ADARB2: variants seen among roughly 807,000 people sequenced by gnomAD.
The protein encoded by ADARB2 is inactive double-stranded RNA-specific editase B2.
In ADARB2, 25 loss-of-function variants were observed where a neutral mutation model predicts 62.2. The ratio of observed to expected loss-of-function variants is 0.40; its 90% CI spans 0.29 to 0.56. The LOEUF is 0.56. Among genes scored for constraint, ADARB2 ranks in the 20% least tolerant of loss-of-function variants. ADARB2 has a pLI of 0.43. For synonymous variants in ADARB2, 572 were observed against 500.8 expected (o/e 1.14, Z -1.90); for missense variants, 1,071 against 1,077.4 (o/e 0.99, Z 0.08).
chr10:1,388,608 T>C (rs1476805039), intron 1 of ADARB2, among the ~76,000 whole-genome samples: 1 of 151,948 alleles, frequency 6.6e-6, no homozygotes, highest in Non-Finnish European at 1.5e-5. Flanking sequence ...TAATAAACAA[T>C]ACTGTTTGGA....
At chr10:1,339,633 A>G (rs895033287) in intron 3 of ADARB2, among the ~76,000 whole-genome samples, 3 of 152,206 alleles carry the variant, frequency 2.0e-5, no homozygotes, top group African/African-American at 7.2e-5. Context: ...CTCCAAGTCA[A>G]TACTCCCATT....
chr10:1,733,857 C>T (rs567713015), intron 1 of ADARB2, among the ~76,000 whole-genome samples: 30 of 152,262 alleles, frequency 2.0e-4, no homozygotes, highest in African/African-American at 6.7e-4. Context: ...AGGTAACAGT[C>T]TCCATAACCT....
chr10:1,281,279 T>C (rs1052685440), intron 3 of ADARB2, among the ~76,000 whole-genome samples: 1 of 151,672 alleles, frequency 6.6e-6, no homozygotes, highest in Non-Finnish European at 1.5e-5. Flanking sequence ...TGCTGGGGGG[T>C]CCCCAGGCCT....
intron 1 of ADARB2, among the ~76,000 whole-genome samples, chr10:1,571,723 TGA>T: frequency 7.5e-6 from 1 of 133,234 alleles, no homozygotes; most frequent in South Asian, 2.5e-4. Flanking sequence ...AGTGTGCTGG[TGA>T]GTGTGCAGGT....
At chr10:1,678,861 C>A (rs1316345346) in intron 1 of ADARB2, among the ~76,000 whole-genome samples, 1 of 151,986 alleles carries the variant, frequency 6.6e-6, no homozygotes, top group African/African-American at 2.4e-5. Context: ...GACCCTGCTG[C>A]CTGGGGTTGT....
chr10:1,597,212 G>C (rs1346164390), intron 1 of ADARB2, among the ~76,000 whole-genome samples: 2 of 152,126 alleles, frequency 1.3e-5, no homozygotes, highest in Non-Finnish European at 2.9e-5. Context: ...AGCCCTCTGG[G>C]TGTTTTTCTT....
At chr10:1,397,061 CCGTCT>C in intron 1 of ADARB2, among the ~76,000 whole-genome samples, 1 of 13,298 alleles carries the variant, frequency 7.5e-5, no homozygotes, top group African/African-American at 1.8e-4. Context: ...GGGTCACCGT[CCGTCT>C]CTCCCCTCCC....
Position 1,553,452 on chromosome 10 carries a change from C to G in ADARB2, c.101-174292G>C, listed in dbSNP as rs540228361. 3.3e-5 allele frequency among the ~76,000 whole-genome samples: 5 copies of G among 152,266 alleles called. No homozygotes were observed. In the South Asian group the frequency reaches 8.3e-4, roughly 25 times the overall value. On this transcript the variant is annotated intron_variant, in intron 1 of 9. Coordinates refer to ENST00000381312, the MANE Select transcript of ADARB2 (RefSeq NM_018702.4). ...TCTCACTAAAACGTTTGGCCTGCTC[C>G]CAGGAAGAGGCTTCCATGGAAAGCC... is the stretch of plus-strand genomic sequence containing the variant.
At chr10:1,283,043 C>T (rs945409019) in intron 3 of ADARB2, among the ~76,000 whole-genome samples, 11 of 152,212 alleles carry the variant, frequency 7.2e-5, no homozygotes, top group African/African-American at 2.7e-4. Context: ...CTTGAACTTG[C>T]ATCACAGAAG....
At chr10:1,387,442 A>G (rs1832534666) in intron 1 of ADARB2, among the ~76,000 whole-genome samples, 1 of 151,998 alleles carries the variant, frequency 6.6e-6, no homozygotes, top group Admixed American at 6.6e-5. Context: ...TAGTTCCTGC[A>G]GTCATTAAAT....
At chr10:1,626,612 C>T (rs994521993) in intron 1 of ADARB2, among the ~76,000 whole-genome samples, 2 of 152,132 alleles carry the variant, frequency 1.3e-5, no homozygotes, top group Admixed American at 1.3e-4. Context: ...CTCAAACTCC[C>T]ACGACGGCCT....
chr10:1,245,494 C>G (rs1356541883), intron 4 of ADARB2, among the ~76,000 whole-genome samples: 355 of 139,982 alleles, frequency 2.5e-3, no homozygotes, highest in Admixed American at 4.2e-3. Context: ...CCCCTCCCCC[C>G]ACCCCACAAC....
intron 1 of ADARB2, among the ~76,000 whole-genome samples, chr10:1,463,020 G>A (rs2131910529): frequency 6.6e-6 from 1 of 152,118 alleles, no homozygotes; most frequent in South Asian, 2.1e-4. Context: ...GGTTGGGTGG[G>A]GTGGGACGCA....
chr10:1,432,449 G>A lies in ADARB2; in HGVS notation c.101-53289C>T, dbSNP rs551307062. ...ATTCTCTGAAGTTTTACACAATAGAGTTTGTCTTCCATTTCATGAAGTCTC... is the reference window on the plus strand; with the variant it reads ...ATTCTCTGAAGTTTTACACAATAGAATTTGTCTTCCATTTCATGAAGTCTC... On this transcript the variant is annotated intron_variant, in intron 1 of 9. Transcript: ENST00000381312. Among the ~76,000 whole-genome samples, 11 of 151,704 alleles carry A rather than the reference G, an allele frequency of 7.3e-5. No homozygotes were observed. The East Asian group carries it at 1.4e-3, about 19-fold the overall frequency.
At chr10:1,206,710 G>T (rs1473166816) in intron 7 of ADARB2, among the ~76,000 whole-genome samples, 1 of 152,190 alleles carries the variant, frequency 6.6e-6, no homozygotes, top group African/African-American at 2.4e-5. Context: ...CCGTCTCTGC[G>T]TCTCTGTATT....
chr10:1,363,816 T>C lies in ADARB2; in HGVS notation c.289A>G (p.Lys97Glu). ...DRARGGAPGA[K>E]RKRPLEEGNG... ...CCCTCCTCCAGCGGCCGCTTCCTCTTCGCGCCGGGCGCGCCGCCCCGGGCC... is the reference window on the plus strand; with the variant it reads ...CCCTCCTCCAGCGGCCGCTTCCTCTCCGCGCCGGGCGCGCCGCCCCGGGCC... The change falls in exon 3 of 10, where the codon AAG (lysine) becomes GAG (glutamate). Residue 97 changes from lysine to glutamate, a missense_variant. Transcript: ENST00000381312. The C allele has an allele frequency of 5.0e-6, 8 of 1,587,640 alleles. No homozygotes were observed. Among genetic ancestry groups the C allele is most frequent in the Non-Finnish European group, 6.8e-6 (8 of 1,174,628 alleles).
intron 1 of ADARB2, among the ~76,000 whole-genome samples, chr10:1,473,500 C>A (rs2131918618): frequency 6.6e-6 from 1 of 152,290 alleles, no homozygotes; most frequent in East Asian, 1.9e-4. Context: ...CTGCCTCAGC[C>A]TCCTGAGAAG....
At chr10:1,358,979 A>G (rs889555946) in intron 3 of ADARB2, among the ~76,000 whole-genome samples, 2 of 152,208 alleles carry the variant, frequency 1.3e-5, no homozygotes. Context: ...GCTGAAAAGC[A>G]TTCCTTTATG....
At chr10:1,512,754 C>A (rs1831952111) in intron 1 of ADARB2, among the ~76,000 whole-genome samples, 1 of 152,174 alleles carries the variant, frequency 6.6e-6, no homozygotes, top group African/African-American at 2.4e-5. Flanking sequence ...TTGTTTGTCC[C>A]CCAGGGATGT....
Sources: gnomAD v4.1 joint callset for allele counts (sites outside exome capture counted in the v4.1 genomes callset) on GRCh38, gnomAD v4.1.1 for gene constraint, MANE v1.5 for transcripts, NCBI Gene and HGNC (gene_info 2026-07-23, HGNC 2026-07-21) for gene names.